The following DLG2 variants were observed in gnomAD, a reference collection of about 807,000 sequenced individuals.
The protein encoded by DLG2 is disks large homolog 2.
Under a neutral mutation model 132.5 loss-of-function variants are expected in DLG2, and 45 were observed. The ratio of observed to expected loss-of-function variants is 0.34; its 90% CI spans 0.27 to 0.44. DLG2 has a LOEUF of 0.44. DLG2 is among the 20% of genes least tolerant of loss of function. The pLI is 1.00. For synonymous variants in DLG2, 424 were observed against 419.6 expected, an observed-to-expected ratio of 1.01 and a Z score of -0.13; for missense variants, 1,045 against 1,196.9, an observed-to-expected ratio of 0.87 and a Z score of 1.87.
At chr11:84,348,746 A>G (rs1360520454) in intron 7 of DLG2, among the ~76,000 whole-genome samples, 2 of 152,188 alleles carry the variant, frequency 1.3e-5, no homozygotes, top group African/African-American at 4.8e-5. Context: ...GTGAGCCCTA[A>G]TCCAAAATAA....
intron 6 of DLG2, among the ~76,000 whole-genome samples, chr11:84,981,068 G>C (rs1473097651): frequency 2.6e-5 from 4 of 152,060 alleles, no homozygotes. Context: ...TCGGTCTAAT[G>C]CATCTATATT....
chr11:84,879,462 G>C (rs1168544510), intron 6 of DLG2, among the ~76,000 whole-genome samples: 1 of 152,172 alleles, frequency 6.6e-6, no homozygotes, highest in Non-Finnish European at 1.5e-5. Context: ...ATTCAGGACA[G>C]AGTGGTTAGC....
chr11:84,040,401 T>G (rs1334450532), intron 11 of DLG2, among the ~76,000 whole-genome samples: 11 of 151,526 alleles, frequency 7.3e-5, no homozygotes, highest in African/African-American at 1.2e-4. Flanking sequence ...TTTTGTATAA[T>G]GTGTAAGGAA....
rs765600784 is a variant in DLG2, at chr11:83,833,607, T to C, written c.1722+7A>G. 39 of 1,609,896 alleles carry C rather than the reference T, an allele frequency of 2.4e-5. No homozygotes were observed. The highest frequency in any genetic ancestry group is 3.3e-5 in the Non-Finnish European group (39 of 1,178,254). On this transcript the variant is annotated splice_region_variant and intron_variant, in intron 17 of 27. Coordinates refer to ENST00000376104, the MANE Select transcript of DLG2 (RefSeq NM_001142699.3). ...GGAGGGAATAAAGATTAAAGAAACATACTCACCGATAGGATCTGGTCTCCT... is the reference window on the plus strand; with the variant it reads ...GGAGGGAATAAAGATTAAAGAAACACACTCACCGATAGGATCTGGTCTCCT...
At chr11:83,799,291 C>T (rs891178079) in intron 17 of DLG2, among the ~76,000 whole-genome samples, 1 of 152,134 alleles carries the variant, frequency 6.6e-6, no homozygotes, top group South Asian at 2.1e-4. Context: ...GAAGTTTTGT[C>T]AATAAGTGGC....
Position 85,323,654 on chromosome 11 carries a change from C to T in DLG2, c.41-38289G>A, listed in dbSNP as rs546613442. Among the ~76,000 whole-genome samples the T allele has an allele frequency of 2.4e-3, 367 of 152,276 alleles. 4 individuals carry two copies. The highest frequency in any genetic ancestry group is 0.016 in the South Asian group (78 of 4,822). On this transcript the variant is annotated intron_variant, in intron 3 of 27. Coordinates refer to ENST00000376104, the MANE Select transcript of DLG2 (RefSeq NM_001142699.3). The stretch of plus-strand genomic sequence containing the variant: ...TTAACCAACCTCTTTTTATCCTCTC[C>T]TCCCTACTACCTTTCTCAGCTTCTA...
intron 18 of DLG2, among the ~76,000 whole-genome samples, chr11:83,666,906 T>G (rs1010155854): frequency 1.3e-5 from 2 of 152,132 alleles, no homozygotes; most frequent in African/African-American, 4.8e-5. Context: ...TTTCATTCCC[T>G]CTCCAACAGA....
intron 19 of DLG2, among the ~76,000 whole-genome samples, chr11:83,553,218 A>G (rs1367401870): frequency 3.3e-5 from 5 of 152,200 alleles, no homozygotes; most frequent in Admixed American, 1.3e-4. Context: ...AAATGGGATT[A>G]AAATATTGTA....
intron 4 of DLG2, among the ~76,000 whole-genome samples, chr11:85,182,527 G>C (rs181142012): frequency 4.2e-4 from 63 of 151,802 alleles, no homozygotes; most frequent in African/African-American, 1.5e-3. Flanking sequence ...GCAATGAAAG[G>C]CTTTAGAAAT....
rs148433690 is a variant in DLG2 at position 83,712,239 on chromosome 11, G to A, written c.1825+74451C>T. 2.0e-3 allele frequency among the ~76,000 whole-genome samples: 308 copies of A among 152,266 alleles called. 2 individuals carry two copies. Among genetic ancestry groups the A allele is most frequent in the African/African-American group, 6.6e-3 (273 of 41,546 alleles). On this transcript the variant is annotated intron_variant, in intron 18 of 27. Coordinates refer to ENST00000376104, the MANE Select transcript of DLG2 (RefSeq NM_001142699.3). ...GTTCACTGCAGCACTATTCACAATA[G>A]TAAAGACGTGGAATCAACCTAAATG...
intron 3 of DLG2, among the ~76,000 whole-genome samples, chr11:85,492,445 A>C (rs897533218): frequency 6.6e-6 from 1 of 152,170 alleles, no homozygotes; most frequent in Admixed American, 6.5e-5. Flanking sequence ...TTCTAAAAAA[A>C]ACTGCAGTGT....
intron 5 of DLG2, chr11:85,133,130 A>C (rs1326167713): frequency 1.9e-5 from 5 of 260,802 alleles, no homozygotes; most frequent in Non-Finnish European, 2.4e-5. Flanking sequence ...TATCGTTGCG[A>C]TGAGTGTAAC....
chr11:83,882,373 A>G (rs1029302198), intron 15 of DLG2, among the ~76,000 whole-genome samples: 3 of 152,244 alleles, frequency 2.0e-5, no homozygotes, highest in Admixed American at 2.0e-4. Flanking sequence ...AATTTGCTTA[A>G]AGTTAAAATT....
chr11:83,470,011 C>T (rs2091813345), intron 24 of DLG2, among the ~76,000 whole-genome samples: 1 of 152,082 alleles, frequency 6.6e-6, no homozygotes, highest in African/African-American at 2.4e-5. Context: ...AGCAATCTAG[C>T]AATATGAATA....
At chr11:85,595,270 AT>A (rs1191871490) in intron 3 of DLG2, among the ~76,000 whole-genome samples, 1 of 151,942 alleles carries the variant, frequency 6.6e-6, no homozygotes. Flanking sequence ...GTATATTGCC[AT>A]TTTAGGTTTG....
At chr11:83,737,978 C>T (rs547374695) in intron 18 of DLG2, among the ~76,000 whole-genome samples, 7 of 152,254 alleles carry the variant, frequency 4.6e-5, no homozygotes, top group Admixed American at 3.9e-4. Flanking sequence ...TGCTCTCCTC[C>T]CTCTCCTCTC....
intron 7 of DLG2, among the ~76,000 whole-genome samples, chr11:84,385,694 A>T (rs190978343): frequency 1.3e-5 from 2 of 152,210 alleles, no homozygotes; most frequent in Admixed American, 1.3e-4. Flanking sequence ...AGTGATACTG[A>T]TCAAATAATC....
In DLG2 at chr11:84,778,313, G is replaced by A. The variant is rs763948113; in HGVS notation, c.358-243582C>T. Among the ~76,000 whole-genome samples the A allele has an allele frequency of 4.3e-4, 66 of 152,170 alleles. 1 individual carries two copies. The highest frequency in any genetic ancestry group is 2.0e-3 in the Admixed American group (31 of 15,270). On this transcript the variant is annotated intron_variant, in intron 6 of 27. Transcript: ENST00000376104. ...TCTCTATTCTGTTCTATTGATCCATGTGTCTTTTTATTTTTATACCAGTAT... is the reference window on the plus strand; with the variant it reads ...TCTCTATTCTGTTCTATTGATCCATATGTCTTTTTATTTTTATACCAGTAT...
intron 6 of DLG2, among the ~76,000 whole-genome samples, chr11:84,597,788 T>C (rs181296193): frequency 8.9e-4 from 135 of 152,320 alleles, no homozygotes; most frequent in Non-Finnish European, 1.4e-3. Context: ...GAAGGCATCA[T>C]TTGCCTTCAG....
Sources: gnomAD v4.1 joint callset for allele counts (sites outside exome capture counted in the v4.1 genomes callset) on GRCh38, gnomAD v4.1.1 for gene constraint, MANE v1.5 for transcripts, NCBI Gene and HGNC (gene_info 2026-07-23, HGNC 2026-07-21) for gene names.